Variants in RPRD1A observed in about 807,000 individuals in gnomAD.
RPRD1A encodes the protein regulation of nuclear pre-mRNA domain containing 1A.
Under a neutral mutation model 37.8 loss-of-function variants are expected in RPRD1A, and 9 were observed. The observed-to-expected ratio is 0.24, with a 90% CI of 0.14 to 0.42. RPRD1A has a LOEUF of 0.42. Ranked by LOEUF, RPRD1A falls within the 10% of genes least tolerant of loss-of-function variation. The pLI, the probability that RPRD1A is intolerant of heterozygous loss-of-function variation, is 1.00. For synonymous variants in RPRD1A, 138 were observed against 139.7 expected (o/e 0.99, Z 0.08); for missense variants, 255 against 371.0 (o/e 0.69, Z 2.57).
intron 6 of RPRD1A, among the ~76,000 whole-genome samples, chr18:36,007,409 G>A (rs182498214): frequency 3.3e-5 from 5 of 152,162 alleles, no homozygotes; most frequent in South Asian, 2.1e-4. Flanking sequence ...GGTGGCTCAC[G>A]GTATGTTCAA....
At chr18:36,060,235 T>G (rs182918433) in intron 1 of RPRD1A, among the ~76,000 whole-genome samples, 13 of 151,940 alleles carry the variant, frequency 8.6e-5, no homozygotes, top group Admixed American at 6.6e-5. Flanking sequence ...ATCGAGACCA[T>G]CCTGACTAAC....
intron 6 of RPRD1A, among the ~76,000 whole-genome samples, chr18:36,009,056 A>ATT (rs11419878): frequency 8.9e-4 from 134 of 150,228 alleles, no homozygotes; most frequent in South Asian, 7.8e-3. Flanking sequence ...CATTACTATA[A>ATT]TTTTTTTTTT....
chr18:36,036,404 T>C (rs1047346966), intron 1 of RPRD1A, among the ~76,000 whole-genome samples: 3 of 152,104 alleles, frequency 2.0e-5, no homozygotes, highest in Non-Finnish European at 2.9e-5. Context: ...ATGGGTTATA[T>C]CAATCTCTCA....
At chr18:36,034,714 A>T (rs1001834990) in intron 1 of RPRD1A, among the ~76,000 whole-genome samples, 1 of 152,232 alleles carries the variant, frequency 6.6e-6, no homozygotes, top group Non-Finnish European at 1.5e-5. Context: ...ACTTATGGTC[A>T]GGACCAATTA....
At chr18:36,005,770 A>G (rs984036141) in intron 6 of RPRD1A, among the ~76,000 whole-genome samples, 3 of 152,214 alleles carry the variant, frequency 2.0e-5, no homozygotes, top group African/African-American at 4.8e-5. Flanking sequence ...TTTACTCCAT[A>G]TATCACTCAC....
chr18:36,044,130 G>A (rs567856781), intron 1 of RPRD1A, among the ~76,000 whole-genome samples: 1 of 152,242 alleles, frequency 6.6e-6, no homozygotes, highest in Non-Finnish European at 1.5e-5. Context: ...TTTTAATGTT[G>A]AATAGGCTAA....
At chr18:36,018,464 G>A (rs963955788) in intron 6 of RPRD1A, among the ~76,000 whole-genome samples, 5 of 151,968 alleles carry the variant, frequency 3.3e-5, no homozygotes, top group Non-Finnish European at 4.4e-5. Context: ...TAGTAGAGAC[G>A]GGGTTTCACC....
intron 1 of RPRD1A, among the ~76,000 whole-genome samples, chr18:36,063,682 G>A (rs536770538): frequency 1.3e-4 from 20 of 152,232 alleles, no homozygotes; most frequent in Admixed American, 7.2e-4. Flanking sequence ...AGAATGTCTG[G>A]TACTCAGTAA....
At chr18:36,050,908 A>C (rs1913344453) in intron 1 of RPRD1A, among the ~76,000 whole-genome samples, 1 of 147,752 alleles carries the variant, frequency 6.8e-6, no homozygotes, top group African/African-American at 2.5e-5. Flanking sequence ...CATTAGGTAA[A>C]ACTGATTTTT....
intron 6 of RPRD1A, among the ~76,000 whole-genome samples, chr18:36,018,155 A>G (rs1024949639): frequency 1.3e-5 from 2 of 152,086 alleles, no homozygotes; most frequent in South Asian, 2.1e-4. Flanking sequence ...GTTGGATATA[A>G]TTTTATTCAA....
chr18:35,997,889 A>C (rs1361193137), intron 6 of RPRD1A, among the ~76,000 whole-genome samples: 1 of 152,224 alleles, frequency 6.6e-6, no homozygotes, highest in Admixed American at 6.5e-5. Flanking sequence ...ACTATTTTCC[A>C]AACTTCAATT....
At chr18:36,048,215 C>T (rs548022021) in intron 1 of RPRD1A, among the ~76,000 whole-genome samples, 19 of 152,042 alleles carry the variant, frequency 1.2e-4, no homozygotes, top group African/African-American at 2.2e-4. Context: ...TACAGGCATG[C>T]GCCACCACAC....
chr18:36,021,990 C>T (rs1213780070), intron 6 of RPRD1A, among the ~76,000 whole-genome samples: 2 of 151,988 alleles, frequency 1.3e-5, no homozygotes, highest in Non-Finnish European at 2.9e-5. Context: ...AAGAGTGACA[C>T]AATATCTCAA....
intron 1 of RPRD1A, among the ~76,000 whole-genome samples, chr18:36,051,684 A>C (rs1453584134): frequency 6.6e-6 from 1 of 152,140 alleles, no homozygotes; most frequent in Non-Finnish European, 1.5e-5. Context: ...GAAATTCAAC[A>C]CATTATTATA....
At chr18:36,022,577 T>C (rs1407982402) in intron 6 of RPRD1A, among the ~76,000 whole-genome samples, 3 of 152,254 alleles carry the variant, frequency 2.0e-5, no homozygotes, top group Non-Finnish European at 2.9e-5. Context: ...TTACTCTGCC[T>C]GTGCTCTATA....
intron 1 of RPRD1A, among the ~76,000 whole-genome samples, chr18:36,057,215 C>G (rs567453524): frequency 6.6e-6 from 1 of 151,860 alleles, no homozygotes; most frequent in African/African-American, 2.4e-5. Flanking sequence ...AACCCTGTCT[C>G]TCAAAAAACA....
chr18:36,033,315 AAAAAAAAAAAG>A (rs966011151), intron 2 of RPRD1A, among the ~76,000 whole-genome samples: 2 of 150,954 alleles, frequency 1.3e-5, no homozygotes, highest in African/African-American at 4.9e-5. Flanking sequence ...AAAAAAAAAA[AAAAAAAAAAAG>A]AATAGAAACA....
chr18:36,043,475 G>T (rs943740926), intron 1 of RPRD1A, among the ~76,000 whole-genome samples: 4 of 152,090 alleles, frequency 2.6e-5, no homozygotes, highest in Non-Finnish European at 5.9e-5. Context: ...AAATTCCTGA[G>T]AAATTTTTGT....
At chr18:36,047,250 T>C (rs1040083854) in intron 1 of RPRD1A, among the ~76,000 whole-genome samples, 1 of 149,836 alleles carries the variant, frequency 6.7e-6, no homozygotes, top group African/African-American at 2.5e-5. Flanking sequence ...GCAAGAGCCA[T>C]CATAAAAATC....
Sources: gnomAD v4.1 joint callset for allele counts (sites outside exome capture counted in the v4.1 genomes callset) on GRCh38, gnomAD v4.1.1 for gene constraint, MANE v1.5 for transcripts, NCBI Gene and HGNC (gene_info 2026-07-23, HGNC 2026-07-21) for gene names.